Variants in NTM observed in about 807,000 individuals in gnomAD.
NTM encodes the protein neurotrimin.
Under a neutral mutation model 42.1 loss-of-function variants are expected in NTM, and 13 were observed. That is an observed-to-expected ratio of 0.31 (90% CI 0.20 to 0.49). NTM has a LOEUF of 0.49. Among genes scored for constraint, NTM ranks in the 20% least tolerant of loss-of-function variants. The pLI, the probability that NTM is intolerant of heterozygous loss-of-function variation, is 0.99. For synonymous variants in NTM, 187 were observed against 179.2 expected (o/e 1.04, Z -0.35); for missense variants, 373 against 452.8 (o/e 0.82, Z 1.60).
chr11:131,747,385 G>T (rs1302705134), intron 1 of NTM, among the ~76,000 whole-genome samples: 1 of 152,110 alleles, frequency 6.6e-6, no homozygotes, highest in Non-Finnish European at 1.5e-5. Flanking sequence ...ACACATATCT[G>T]TGCCTTTGGG....
At chr11:132,260,131 A>T (rs1310940313) in intron 4 of NTM, among the ~76,000 whole-genome samples, 1 of 152,176 alleles carries the variant, frequency 6.6e-6, no homozygotes, top group African/African-American at 2.4e-5. Flanking sequence ...GTGACTTTCT[A>T]ATTAGCAAAG....
chr11:131,501,878 A>AGT (rs34828229), intron 1 of NTM, among the ~76,000 whole-genome samples: 26,095 of 150,736 alleles, frequency 0.17, 2,773 homozygotes, highest in East Asian at 0.35. Flanking sequence ...TGTGTGTGTG[A>AGT]GTGTGTGTGT....
intron 4 of NTM, among the ~76,000 whole-genome samples, chr11:132,238,255 G>T (rs553932400): frequency 1.3e-5 from 2 of 152,056 alleles, no homozygotes; most frequent in Non-Finnish European, 2.9e-5. Flanking sequence ...AGCGAGCCCC[G>T]CCCAGAGATG....
intron 3 of NTM, among the ~76,000 whole-genome samples, chr11:132,196,487 A>G (rs1354119977): frequency 6.6e-6 from 1 of 152,002 alleles, no homozygotes; most frequent in Non-Finnish European, 1.5e-5. Flanking sequence ...AAAAAAATAC[A>G]CTCATATGTT....
intron 1 of NTM, among the ~76,000 whole-genome samples, chr11:131,851,260 A>C (rs758112326): frequency 7.2e-5 from 11 of 152,126 alleles, no homozygotes; most frequent in Non-Finnish European, 1.5e-4. Context: ...CATCCTTAGA[A>C]TCATAGAGCT....
intron 1 of NTM, among the ~76,000 whole-genome samples, chr11:131,745,168 G>C (rs1403422351): frequency 1.3e-5 from 2 of 152,190 alleles, no homozygotes; most frequent in Non-Finnish European, 2.9e-5. Flanking sequence ...AGCCTTGGGT[G>C]ACAATGATTA....
intron 1 of NTM, among the ~76,000 whole-genome samples, chr11:131,780,316 T>A (rs1032952837): frequency 1.3e-5 from 2 of 152,108 alleles, no homozygotes; most frequent in Admixed American, 1.3e-4. Flanking sequence ...AGGCAGATCA[T>A]CCAGGGTGTG....
chr11:131,766,120 T>C (rs1276128557), intron 1 of NTM, among the ~76,000 whole-genome samples: 1 of 152,188 alleles, frequency 6.6e-6, no homozygotes, highest in Admixed American at 6.5e-5. Context: ...TAGACCTGCA[T>C]ACCTCACACA....
intron 1 of NTM, among the ~76,000 whole-genome samples, chr11:131,594,669 G>A (rs1006748117): frequency 3.3e-5 from 5 of 152,180 alleles, no homozygotes; most frequent in Non-Finnish European, 7.3e-5. Context: ...AGAGTGCTGG[G>A]ATTTATAGGC....
chr11:132,212,027 C>T lies in NTM; in HGVS notation c.406C>T (p.Pro136Ser). Residue 136 changes from proline to serine, a missense_variant, in exon 4 of 9, where the codon CCC becomes TCC. By Grantham distance (74) the Pro-to-Ser change is moderately conservative. This residue lies in a region of NTM where 312 missense variants were observed against 353.5 expected (regional missense o/e 0.88). Transcript: ENST00000683400. ...ATTCTGTCTTGTTTCCACAGTATCTCCCAAAATTGTAGAGATTTCTTCAGA... is the reference window on the plus strand; with the variant it reads ...ATTCTGTCTTGTTTCCACAGTATCTTCCAAAATTGTAGAGATTTCTTCAGA... ...SRVHLIVQVSPKIVEISSDIS... is the reference protein window; with the variant it reads ...SRVHLIVQVSSKIVEISSDIS... 5 of 1,607,810 alleles carry T rather than the reference C, an allele frequency of 3.1e-6. No homozygotes were observed. Among genetic ancestry groups the T allele is most frequent in the Non-Finnish European group, 4.2e-6 (5 of 1,178,072 alleles).
chr11:131,819,745 C>T (rs970241921), intron 1 of NTM, among the ~76,000 whole-genome samples: 19 of 152,262 alleles, frequency 1.2e-4, no homozygotes, highest in Middle Eastern at 3.4e-3. Context: ...GAAACACGTC[C>T]GTGTTCGGGG....
chr11:131,911,391 G>T (rs560684432), intron 1 of NTM, 173 bp from the exon 2 acceptor site: 1 of 1,585,132 alleles, frequency 6.3e-7, no homozygotes, highest in Non-Finnish European at 8.6e-7. Context: ...CAGTCCCCGC[G>T]CTCGCTCCGC....
intron 1 of NTM, among the ~76,000 whole-genome samples, chr11:131,465,867 C>T (rs373833968): frequency 2.6e-5 from 4 of 152,330 alleles, no homozygotes; most frequent in South Asian, 2.1e-4. Context: ...GCCCTGGAGC[C>T]GTGAGACCCC....
intron 1 of NTM, among the ~76,000 whole-genome samples, chr11:131,735,835 GGTGTGT>G (rs398018112): frequency 0.024 from 2,889 of 121,340 alleles, 91 homozygotes; most frequent in African/African-American, 0.07. Flanking sequence ...CCATTCATAA[GGTGTGT>G]GTGTGTGTGT....
chr11:131,723,185 T>C (rs2135415140), intron 1 of NTM, among the ~76,000 whole-genome samples: 1 of 152,334 alleles, frequency 6.6e-6, no homozygotes, highest in African/African-American at 2.4e-5. Flanking sequence ...TATGAAGCAT[T>C]ATCTCTGCCG....
intron 2 of NTM, among the ~76,000 whole-genome samples, chr11:131,950,630 T>C (rs1184693390): frequency 1.3e-5 from 2 of 152,178 alleles, no homozygotes; most frequent in Admixed American, 6.5e-5. Context: ...TAGCCTCCGT[T>C]TACTAAAATG....
At chr11:131,514,081 C>T (rs431683) in intron 1 of NTM, among the ~76,000 whole-genome samples, 22,830 of 152,060 alleles carry the variant, frequency 0.15, 1,916 homozygotes, top group Middle Eastern at 0.22. Context: ...CAGCTGACAG[C>T]GTCGCTAATG....
chr11:132,070,076 ACGT>A, intron 2 of NTM, among the ~76,000 whole-genome samples: 2 of 147,592 alleles, frequency 1.4e-5, no homozygotes, highest in African/African-American at 2.5e-5. Context: ...CCAAGTTAAC[ACGT>A]CACACAGCCA....
At chr11:131,691,373 C>T (rs917866832) in intron 1 of NTM, among the ~76,000 whole-genome samples, 1 of 152,222 alleles carries the variant, frequency 6.6e-6, no homozygotes, top group African/African-American at 2.4e-5. Context: ...GCTTCTTCGG[C>T]GGCCGCTCCT....
Sources: gnomAD v4.1 joint callset for allele counts (sites outside exome capture counted in the v4.1 genomes callset) on GRCh38, gnomAD v4.1.1 for gene constraint, gnomAD v4.1.1 regional missense constraint, MANE v1.5 for transcripts, NCBI Gene and HGNC (gene_info 2026-07-23, HGNC 2026-07-21) for gene names.